Variants in RSBN1L observed in about 807,000 individuals in gnomAD.
RSBN1L encodes the protein lysine-specific demethylase RSBN1L.
In RSBN1L, 30 loss-of-function variants were observed where a neutral mutation model predicts 67.7. The observed-to-expected ratio is 0.44, with a 90% CI of 0.33 to 0.60. The LOEUF (loss-of-function observed/expected upper bound fraction) is 0.60. Ranked by LOEUF, RSBN1L falls within the 20% of genes least tolerant of loss-of-function variation. The pLI is 0.02. For missense variants in RSBN1L, 992 were observed against 1,031.7 expected (o/e 0.96, Z 0.53); for synonymous variants, 433 against 387.0 (o/e 1.12, Z -1.39).
intron 1 of RSBN1L, among the ~76,000 whole-genome samples, chr7:77,705,490 T>C (rs2150411877): frequency 6.6e-6 from 1 of 151,200 alleles, no homozygotes; most frequent in Non-Finnish European, 1.5e-5. Context: ...AGGTGACCAC[T>C]AGGTCTCTCC....
At chr7:77,729,325 A>G (rs1288626855) in intron 1 of RSBN1L, among the ~76,000 whole-genome samples, 1 of 152,244 alleles carries the variant, frequency 6.6e-6, no homozygotes, top group East Asian at 1.9e-4. Flanking sequence ...CTGCAAGGTC[A>G]GAACAGAAAT....
Position 77,780,420 on chromosome 7 carries a change from A to G in RSBN1L, c.*1252A>G, listed in dbSNP as rs899090900. ...TTCTAACTAATAGTTACGTGGCCAG[A>G]TTACATAGCCTACCATAGATTTTTT... On this transcript the variant is annotated 3_prime_UTR_variant, in exon 8 of 8. Transcript: ENST00000334955. The G allele has an allele frequency of 1.3e-5, 2 of 152,192 alleles. No individual in the cohort carries two copies. Among genetic ancestry groups the G allele is most frequent in the Non-Finnish European group, 2.9e-5 (2 of 68,032 alleles). 9.4% of individuals were successfully genotyped at this position (152,192 alleles called of 1,614,324 possible).
intron 1 of RSBN1L, among the ~76,000 whole-genome samples, chr7:77,718,341 G>A (rs1229455879): frequency 6.6e-6 from 1 of 152,070 alleles, no homozygotes; most frequent in Non-Finnish European, 1.5e-5. Flanking sequence ...TCTCACTGTT[G>A]CCTAGGCTGG....
intron 2 of RSBN1L, among the ~76,000 whole-genome samples, chr7:77,740,864 ACT>A (rs772454820): frequency 6.7e-6 from 1 of 149,716 alleles, no homozygotes; most frequent in African/African-American, 2.5e-5. Context: ...AGTCTGGCAC[ACT>A]CTCTCTGGCT....
At chr7:77,774,039 G>T (rs1244815979) in intron 6 of RSBN1L, among the ~76,000 whole-genome samples, 2 of 152,120 alleles carry the variant, frequency 1.3e-5, no homozygotes, top group Admixed American at 1.3e-4. Flanking sequence ...AGCTGAGACT[G>T]ATTTCAATCT....
At chr7:77,732,774 T>C (rs1791287887) in intron 1 of RSBN1L, among the ~76,000 whole-genome samples, 1 of 152,234 alleles carries the variant, frequency 6.6e-6, no homozygotes, top group Non-Finnish European at 1.5e-5. Flanking sequence ...GATATTATTC[T>C]ACATTTGGAA....
rs370568123 is a variant in RSBN1L, at chr7:77,768,776, T to C, written c.1598T>C (p.Met533Thr). The C allele has an allele frequency of 3.1e-6, 5 of 1,613,962 alleles. No homozygotes were observed. Among genetic ancestry groups the C allele is most frequent in the Non-Finnish European group, 4.2e-6 (5 of 1,179,962 alleles). ...GAACAAATGATCCCTGTGGCTGATA[T>C]GCCAAAGTCACCTTTCAAAAGGAAA... ...PGEQMIPVAD[M>T]PKSPFKRKRT... Residue 533 changes from methionine to threonine, a missense_variant, in exon 5 of 8, where the codon ATG becomes ACG. Around this residue, in one of 7 missense-constraint regions of RSBN1L, gnomAD observed 67 missense variants for 130.5 expected, o/e 0.51. Transcript: ENST00000334955.
At chr7:77,775,801 A>G (rs1791905739) in intron 6 of RSBN1L, among the ~76,000 whole-genome samples, 1 of 152,164 alleles carries the variant, frequency 6.6e-6, no homozygotes, top group Non-Finnish European at 1.5e-5. Flanking sequence ...CACAACTGTA[A>G]TCTCAGCATT....
chr7:77,706,080 GT>G (rs796813233), intron 1 of RSBN1L, among the ~76,000 whole-genome samples: 219 of 136,652 alleles, frequency 1.6e-3, no homozygotes, highest in Non-Finnish European at 2.1e-3. Flanking sequence ...TTTATTTAAT[GT>G]TTTTTTTTTT....
At chr7:77,754,033 C>T (rs1791587404) in intron 3 of RSBN1L, among the ~76,000 whole-genome samples, 1 of 152,128 alleles carries the variant, frequency 6.6e-6, no homozygotes, top group African/African-American at 2.4e-5. Context: ...TTTATAATAA[C>T]TCTTTCTATT....
At chr7:77,748,897 G>A (rs769747954) in intron 2 of RSBN1L, among the ~76,000 whole-genome samples, 5 of 33,048 alleles carry the variant, frequency 1.5e-4, no homozygotes, top group South Asian at 1.0e-3. Flanking sequence ...CTCTATGCCC[G>A]TCTGTCTGTC....
At chr7:77,768,876 T>C in intron 5 of RSBN1L, 73 bp downstream of exon 5, 2 of 1,360,932 alleles carry the variant, frequency 1.5e-6, no homozygotes, top group Non-Finnish European at 2.1e-6. Flanking sequence ...AGTTGAAAAT[T>C]GGAGGAAGGA....
At chr7:77,723,966 C>T (rs1791157568) in intron 1 of RSBN1L, among the ~76,000 whole-genome samples, 1 of 151,092 alleles carries the variant, frequency 6.6e-6, no homozygotes, top group Admixed American at 6.6e-5. Flanking sequence ...TTAATAGGGA[C>T]AGGATCTCTC....
At position 77,696,762 on chromosome 7, in the gene RSBN1L, C is replaced by T. The variant is rs767502153; in HGVS notation, c.293C>T (p.Ser98Phe). 8.1e-6 allele frequency: 13 copies of T among 1,613,846 alleles called. No individual in the cohort carries two copies. Among genetic ancestry groups the T allele is most frequent in the Middle Eastern group, 1.7e-4 (1 of 6,060 alleles). The part of the protein sequence containing the change: ...FAPLSAAPSP[S>F]SSRSSFSFSA... ...CCTCTGTCTGCTGCTCCCTCCCCGT[C>T]CTCTTCTCGGAGCAGTTTCTCTTTC... Residue 98 changes from serine (S) to phenylalanine (F), a missense_variant, in exon 1 of 8, where the codon TCC becomes TTC. Transcript: ENST00000334955.
At chr7:77,744,335 C>G (rs578246483) in intron 2 of RSBN1L, among the ~76,000 whole-genome samples, 5 of 151,922 alleles carry the variant, frequency 3.3e-5, no homozygotes, top group African/African-American at 1.2e-4. Flanking sequence ...CATGCCTGGC[C>G]TACTGTTTGA....
intron 1 of RSBN1L, among the ~76,000 whole-genome samples, chr7:77,701,272 C>T (rs762670710): frequency 9.2e-5 from 14 of 151,382 alleles, no homozygotes; most frequent in Non-Finnish European, 1.6e-4. Context: ...GCATAGCTGT[C>T]ACCTTGGGAC....
At chr7:77,727,222 G>A (rs1156559538) in intron 1 of RSBN1L, among the ~76,000 whole-genome samples, 2 of 152,034 alleles carry the variant, frequency 1.3e-5, no homozygotes, top group Non-Finnish European at 2.9e-5. Flanking sequence ...TGAGTAGCTG[G>A]GATTACACAC....
At chr7:77,723,944 ATT>A (rs10718037) in intron 1 of RSBN1L, among the ~76,000 whole-genome samples, 10 of 149,288 alleles carry the variant, frequency 6.7e-5, no homozygotes, top group South Asian at 2.1e-4. Context: ...CAAAAAAAAA[ATT>A]TTTTTTTTTT....
At chr7:77,759,233 T>C (rs1791664457) in intron 3 of RSBN1L, among the ~76,000 whole-genome samples, 1 of 152,222 alleles carries the variant, frequency 6.6e-6, no homozygotes, top group Admixed American at 6.5e-5. Flanking sequence ...ATTTTCATTT[T>C]GACCAATTGT....
Sources: allele counts gnomAD v4.1 joint callset (sites outside exome capture counted in the v4.1 genomes callset), GRCh38; gene constraint gnomAD v4.1.1; regional missense constraint gnomAD v4.1.1; transcripts MANE v1.5; gene names NCBI Gene and HGNC (gene_info 2026-07-23, HGNC 2026-07-21).